PLPPR1: variants seen among roughly 807,000 people sequenced by gnomAD.
The protein encoded by PLPPR1 is phospholipid phosphatase related 1, also known as phospholipid phosphatase-related protein type 1.
PLPPR1 carries 10 observed loss-of-function variants against 33.1 expected under a neutral mutation model. That is an observed-to-expected ratio of 0.30 (90% CI 0.19 to 0.51). PLPPR1 has a LOEUF of 0.51. Ranked by LOEUF, PLPPR1 falls within the 20% of genes least tolerant of loss-of-function variation. The pLI is 0.97. For missense variants in PLPPR1, 304 were observed against 408.1 expected, an observed-to-expected ratio of 0.74 and a Z score of 2.20; for synonymous variants, 151 against 151.0, an observed-to-expected ratio of 1.00 and a Z score of 0.00.
chr9:101,200,760 A>G (rs1826478039), intron 2 of PLPPR1, among the ~76,000 whole-genome samples: 2 of 152,186 alleles, frequency 1.3e-5, no homozygotes, highest in African/African-American at 2.4e-5. Flanking sequence ...TTCCTTGAGA[A>G]CATCTTCAGA....
chr9:101,063,893 G>A (rs1370216358), intron 1 of PLPPR1, among the ~76,000 whole-genome samples: 1 of 152,056 alleles, frequency 6.6e-6, no homozygotes, highest in Non-Finnish European at 1.5e-5. Flanking sequence ...TCCCACTAGA[G>A]TGTAAGCTCA....
At chr9:101,238,245 T>G (rs1490645907) in intron 2 of PLPPR1, among the ~76,000 whole-genome samples, 2 of 135,248 alleles carry the variant, frequency 1.5e-5, no homozygotes, top group African/African-American at 5.4e-5. Flanking sequence ...TATACCTATA[T>G]AGAGAGAGGT....
chr9:101,220,580 CCTTT>C (rs1278005375), intron 2 of PLPPR1, among the ~76,000 whole-genome samples: 1 of 152,086 alleles, frequency 6.6e-6, no homozygotes, highest in African/African-American at 2.4e-5. Flanking sequence ...TTCTTAGCTC[CCTTT>C]CTTTATCCTC....
At chr9:101,268,092 C>T (rs561568331) in intron 2 of PLPPR1, among the ~76,000 whole-genome samples, 16 of 151,644 alleles carry the variant, frequency 1.1e-4, no homozygotes, top group Admixed American at 5.9e-4. Flanking sequence ...CATCACACAC[C>T]GGGGCCTGTT....
intron 1 of PLPPR1, among the ~76,000 whole-genome samples, chr9:101,161,731 A>G (rs138502919): frequency 6.2e-4 from 94 of 151,890 alleles, no homozygotes; most frequent in African/African-American, 2.2e-3. Flanking sequence ...ATACCATAGG[A>G]CCATTTGTCT....
intron 1 of PLPPR1, among the ~76,000 whole-genome samples, chr9:101,125,181 G>T (rs143283738): frequency 0.051 from 7,758 of 151,784 alleles, 684 homozygotes; most frequent in African/African-American, 0.18. Flanking sequence ...ACCTTATATT[G>T]CTAGTCTTCA....
In PLPPR1 at chr9:101,108,960, ATTTT is replaced by A. The variant is rs5899429; in HGVS notation, c.-45-76477_-45-76474del. On this transcript the variant is annotated intron_variant, in intron 1 of 7. Coordinates refer to ENST00000374874, the MANE Select transcript of PLPPR1 (RefSeq NM_207299.2). ...CAAAAGCTCTTTTTTGTCTTCAATAATTTTTTTTTTTTTTTTGAGATGGAGTCTC... is the reference window on the plus strand; with the variant it reads ...CAAAAGCTCTTTTTTGTCTTCAATAATTTTTTTTTTTTGAGATGGAGTCTC... 2.2e-5 allele frequency among the ~76,000 whole-genome samples: 3 copies of A among 136,786 alleles called. No homozygotes were observed. The Admixed American group carries it at 2.2e-4, about 10-fold the overall frequency. The allele number at this position is 136,786 out of a possible 152,430, so 89.7% of individuals were successfully genotyped here. A position where few individuals can be genotyped will look rare whatever the true frequency, so the allele number is the denominator to read the frequency against.
intron 4 of PLPPR1, among the ~76,000 whole-genome samples, chr9:101,307,901 T>C (rs1206886345): frequency 3.3e-5 from 5 of 151,366 alleles, no homozygotes; most frequent in Non-Finnish European, 7.4e-5. Flanking sequence ...AACCCACTTA[T>C]AGCTCTACAC....
intron 4 of PLPPR1, among the ~76,000 whole-genome samples, chr9:101,307,076 C>T (rs1286834574): frequency 6.6e-6 from 1 of 152,190 alleles, no homozygotes; most frequent in Non-Finnish European, 1.5e-5. Flanking sequence ...GGATCAAATG[C>T]ACCAGAATGA....
intron 2 of PLPPR1, among the ~76,000 whole-genome samples, chr9:101,266,295 G>A (rs1827992919): frequency 6.6e-6 from 1 of 151,128 alleles, no homozygotes; most frequent in African/African-American, 2.4e-5. Context: ...AGGCGTGATG[G>A]CATGCACCTG....
At chr9:101,208,356 G>A (rs1202820585) in intron 2 of PLPPR1, among the ~76,000 whole-genome samples, 1 of 152,136 alleles carries the variant, frequency 6.6e-6, no homozygotes, top group African/African-American at 2.4e-5. Flanking sequence ...TTGAACCTGA[G>A]CATTTGTCAG....
chr9:101,309,604 T>C (rs1261788490), intron 5 of PLPPR1, 143 bp downstream of exon 5: 1 of 852,434 alleles, frequency 1.2e-6, no homozygotes, highest in African/African-American at 1.7e-5. Context: ...GCTATTGATA[T>C]ACTAGCCCCC....
At chr9:101,131,485 C>T (rs1405595544) in intron 1 of PLPPR1, 1 of 152,116 alleles carries the variant, frequency 6.6e-6, no homozygotes, top group Admixed American at 6.5e-5. Context: ...CTGAGGAGGA[C>T]TTTTAGGACT....
chr9:101,058,278 GTGA>G (rs1554722747), intron 1 of PLPPR1, among the ~76,000 whole-genome samples: 2 of 150,972 alleles, frequency 1.3e-5, no homozygotes, highest in Non-Finnish European at 3.0e-5. Flanking sequence ...CAAGTACCAT[GTGA>G]TGATGAGAAC....
intron 3 of PLPPR1, among the ~76,000 whole-genome samples, chr9:101,278,123 T>C (rs1251254428): frequency 6.6e-6 from 1 of 152,216 alleles, no homozygotes; most frequent in Non-Finnish European, 1.5e-5. Context: ...GAATTCTAAA[T>C]GCCCTTTTAA....
At chr9:101,271,209 C>T (rs1378641744) in intron 3 of PLPPR1, among the ~76,000 whole-genome samples, 1 of 152,140 alleles carries the variant, frequency 6.6e-6, no homozygotes, top group Non-Finnish European at 1.5e-5. Flanking sequence ...GCTTTGCTGC[C>T]TAACACACCT....
At chr9:101,070,524 A>C (rs550683935) in intron 1 of PLPPR1, among the ~76,000 whole-genome samples, 2 of 152,236 alleles carry the variant, frequency 1.3e-5, no homozygotes, top group Non-Finnish European at 2.9e-5. Context: ...TTATTAGATC[A>C]ACCTTTTCAT....
chr9:101,167,887 T>A (rs563538931), intron 1 of PLPPR1, among the ~76,000 whole-genome samples: 1 of 152,300 alleles, frequency 6.6e-6, no homozygotes, highest in East Asian at 1.9e-4. Flanking sequence ...GAAAGAGGTT[T>A]AATTGACTCA....
intron 1 of PLPPR1, among the ~76,000 whole-genome samples, chr9:101,182,808 G>A (rs1382462641): frequency 6.6e-6 from 1 of 151,498 alleles, no homozygotes; most frequent in Non-Finnish European, 1.5e-5. Context: ...AAAATAATAA[G>A]ACGAACAACC....
Sources: allele counts gnomAD v4.1 joint callset (sites outside exome capture counted in the v4.1 genomes callset), GRCh38; gene constraint gnomAD v4.1.1; transcripts MANE v1.5; gene names NCBI Gene and HGNC (gene_info 2026-07-23, HGNC 2026-07-21).